FAT4: variants seen among roughly 807,000 people sequenced by gnomAD.
The protein encoded by FAT4 is protocadherin Fat 4.
A neutral mutation model predicts 303.9 loss-of-function variants in FAT4; 84 were observed. The observed-to-expected ratio is 0.28, with a 90% confidence interval of 0.23 to 0.33. FAT4 has a LOEUF of 0.33. FAT4 is among the 10% of genes least tolerant of loss of function. The probability of loss-of-function intolerance (pLI) is 1.00; values close to 1 mark genes in which losing one functional copy is unlikely to be tolerated. For missense variants in FAT4, 6,005 were observed against 6,146.8 expected (o/e 0.98, Z 0.77); for synonymous variants, 2,307 against 2,298.8 (o/e 1.00, Z -0.10).
intron 7 of FAT4, among the ~76,000 whole-genome samples, chr4:125,422,305 A>T (rs533657816): frequency 2.0e-4 from 31 of 152,312 alleles, no homozygotes; most frequent in African/African-American, 7.2e-4. Context: ...AATGCACTTT[A>T]TAAATAAGTT....
chr4:125,421,225 C>G (rs1724872914), intron 7 of FAT4, among the ~76,000 whole-genome samples: 1 of 152,132 alleles, frequency 6.6e-6, no homozygotes, highest in Admixed American at 6.6e-5. Context: ...TGAATAGTTT[C>G]ACCATTCGAC....
At position 125,318,007 on chromosome 4, in the gene FAT4, G is replaced by C; in HGVS notation, c.1596G>C (p.Val532=). Residue 532 remains valine (V), a synonymous_variant, in exon 2 of 18, where the codon GTG becomes GTC. Transcript: ENST00000394329. ...ATATCAGTGAACATAGCGGCCTCGT[G>C]ACCACTGGGTCCTCTGGGGGCCTGG... The part of the protein sequence containing the change: ...WFHISEHSGL[V]TTGSSGGLDR... 2 of 1,614,188 alleles carry C rather than the reference G, an allele frequency of 1.2e-6. No individual in the cohort carries two copies. Among genetic ancestry groups the C allele is most frequent in the Non-Finnish European group, 1.7e-6 (2 of 1,180,036 alleles).
chr4:125,329,128 C>A (rs1560762013), intron 2 of FAT4, among the ~76,000 whole-genome samples: 1 of 152,176 alleles, frequency 6.6e-6, no homozygotes, highest in Non-Finnish European at 1.5e-5. Flanking sequence ...AATCCCAAGG[C>A]AGGAATATAT....
chr4:125,410,993 G>A (rs978377749), intron 5 of FAT4, among the ~76,000 whole-genome samples: 1 of 151,958 alleles, frequency 6.6e-6, no homozygotes, highest in African/African-American at 2.4e-5. Flanking sequence ...GCTATACAAA[G>A]GTAAGCTTGT....
chr4:125,393,937 T>A (rs1277730967), intron 2 of FAT4: 2 of 779,984 alleles, frequency 2.6e-6, no homozygotes, highest in African/African-American at 1.7e-5. Flanking sequence ...GCTACCTAAA[T>A]GGTAACAACG....
chr4:125,421,829 G>A (rs1433345754), intron 7 of FAT4, among the ~76,000 whole-genome samples: 1 of 152,112 alleles, frequency 6.6e-6, no homozygotes, highest in Non-Finnish European at 1.5e-5. Flanking sequence ...GACCCAGGTA[G>A]TAGCAAAGTC....
At chr4:125,413,962 G>A (rs1272821529) in intron 5 of FAT4, among the ~76,000 whole-genome samples, 1 of 151,964 alleles carries the variant, frequency 6.6e-6, no homozygotes, top group East Asian at 1.9e-4. Flanking sequence ...TTACCTGGAT[G>A]TACAGTACGT....
Position 125,406,967 on chromosome 4 carries a change from A to C in FAT4, c.5395A>C (p.Thr1799Pro). Reference protein sequence around the residue: ...IDPESGDLIATRRLDRERRSK... With the variant: ...IDPESGDLIAPRRLDRERRSK... ...CCCAGAATCCGGAGATCTGATAGCA[A>C]CCAGGCGGTTGGACAGGGAACGCCG... Residue 1799 changes from threonine to proline, a missense_variant, in exon 4 of 18, where the codon ACC becomes CCC. Coordinates refer to ENST00000394329, the MANE Select transcript of FAT4 (RefSeq NM_001291303.3). 6.2e-7 allele frequency: 1 copy of C among 1,613,928 alleles called. No homozygotes were observed. The highest frequency in any genetic ancestry group is 8.5e-7 in the Non-Finnish European group (1 of 1,179,894).
At chr4:125,458,530 G>A (rs1311318617) in intron 10 of FAT4, among the ~76,000 whole-genome samples, 1 of 151,862 alleles carries the variant, frequency 6.6e-6, no homozygotes, top group Non-Finnish European at 1.5e-5. Flanking sequence ...GCTCATGTAA[G>A]AGACAATAAA....
intron 2 of FAT4, among the ~76,000 whole-genome samples, chr4:125,361,835 T>C (rs1021114945): frequency 1.3e-5 from 2 of 152,166 alleles, no homozygotes; most frequent in Non-Finnish European, 2.9e-5. Context: ...TTTGTTCTCA[T>C]GTGCAAATCC....
intron 12 of FAT4, among the ~76,000 whole-genome samples, chr4:125,474,386 G>A (rs1482330751): frequency 6.6e-6 from 1 of 151,846 alleles, no homozygotes; most frequent in African/African-American, 2.4e-5. Flanking sequence ...ACCTAATACT[G>A]CTTTTGAGAT....
At chr4:125,454,492 A>G (rs1374883769) in intron 10 of FAT4, among the ~76,000 whole-genome samples, 2 of 152,286 alleles carry the variant, frequency 1.3e-5, no homozygotes, top group South Asian at 2.1e-4. Flanking sequence ...GGGAATAATC[A>G]TAAGTACTTT....
At chr4:125,414,260 C>A (rs1734955169) in intron 5 of FAT4, among the ~76,000 whole-genome samples, 1 of 151,966 alleles carries the variant, frequency 6.6e-6, no homozygotes, top group African/African-American at 2.4e-5. Flanking sequence ...TCAACAGTAT[C>A]TAAATACAGT....
Position 125,317,859 on chromosome 4 carries a change from A to G in FAT4, c.1448A>G (p.Asn483Ser), listed in dbSNP as rs2125940248. 6.2e-7 allele frequency: 1 copy of G among 1,614,150 alleles called. No individual in the cohort carries two copies. Among genetic ancestry groups the G allele is most frequent in the South Asian group, 1.1e-5 (1 of 91,086 alleles). ...TTTTCACAGCAAGTGTACAGAGTGA[A>G]CCTGAGCGAGGAGGCGCCTCCGGGA... ...PVFSQQVYRV[N>S]LSEEAPPGSY... Residue 483 changes from asparagine (N) to serine (S), a missense_variant, in exon 2 of 18, where the codon AAC becomes AGC. By Grantham distance (46) the Asn-to-Ser change is conservative (BLOSUM62 1). Coordinates refer to ENST00000394329, the MANE Select transcript of FAT4 (RefSeq NM_001291303.3). The surrounding 1 kb of genome is among the most constrained non-coding windows in gnomAD (Gnocchi z 7.0).
intron 2 of FAT4, among the ~76,000 whole-genome samples, chr4:125,330,725 C>A (rs1731347501): frequency 6.6e-6 from 1 of 152,198 alleles, no homozygotes; most frequent in South Asian, 2.1e-4. Context: ...AATGAACTGG[C>A]ATCTCAGCCT....
chr4:125,336,296 T>G (rs920345359), intron 2 of FAT4, among the ~76,000 whole-genome samples: 4 of 152,042 alleles, frequency 2.6e-5, no homozygotes, highest in African/African-American at 9.7e-5. Context: ...GATGTAATTT[T>G]TAAACATTGA....
intron 2 of FAT4, among the ~76,000 whole-genome samples, chr4:125,386,080 T>C (rs1733738415): frequency 6.6e-6 from 1 of 152,158 alleles, no homozygotes; most frequent in South Asian, 2.1e-4. Context: ...GTAATTGTAA[T>C]AGTTGGTTCA....
Position 125,490,232 on chromosome 4 carries a change from C to A in FAT4, c.13416C>A (p.Gly4472=), listed in dbSNP as rs141983394. ...GTGAGATGGTGGTGGCCTGTCTTGG[C>A]GTCCTCTGTCCTCAGGGGAAGGTGT... is the stretch of plus-strand genomic sequence containing the variant. ...RTCEMVVACL[G]VLCPQGKVCK... is the part of the protein sequence containing the mutation. Residue 4472 remains glycine (G), a synonymous_variant, in exon 18 of 18, where the codon GGC becomes GGA. Transcript: ENST00000394329. 3.1e-6 allele frequency: 5 copies of A among 1,614,102 alleles called. No individual in the cohort carries two copies. The highest frequency in any genetic ancestry group is 1.1e-5 in the South Asian group (1 of 91,080).
chr4:125,450,084 T>C lies in FAT4; in HGVS notation c.9074T>C (p.Ile3025Thr). The change falls in exon 10 of 18, where the codon ATT becomes ACT. Residue 3025 changes from isoleucine (I) to threonine (T), a missense_variant. Physicochemically the swap from Ile to Thr is moderately conservative, Grantham distance 89. Coordinates refer to ENST00000394329, the MANE Select transcript of FAT4 (RefSeq NM_001291303.3). Reference protein sequence around the residue: ...FGLNSEVEYFISNDNHLGKFK... With the variant: ...FGLNSEVEYFTSNDNHLGKFK... ...CTGAATTCAGAAGTGGAGTATTTCA[T>C]TTCTAATGATAACCATTTAGGAAAA... is the stretch of plus-strand genomic sequence containing the variant. 1 of 1,613,780 alleles carries C rather than the reference T, an allele frequency of 6.2e-7. No homozygotes were observed. Among genetic ancestry groups the C allele is most frequent in the Non-Finnish European group, 8.5e-7 (1 of 1,179,852 alleles).
Sources: gnomAD v4.1 joint callset for allele counts (sites outside exome capture counted in the v4.1 genomes callset) on GRCh38, gnomAD v4.1.1 for gene constraint, Gnocchi (gnomAD v3.1) non-coding constraint, MANE v1.5 for transcripts, NCBI Gene and HGNC (gene_info 2026-07-23, HGNC 2026-07-21) for gene names.